The following ATP2B4 variants were observed in gnomAD, a reference collection of about 807,000 sequenced individuals.
ATP2B4 encodes the protein plasma membrane calcium-transporting ATPase 4.
ATP2B4 carries 39 observed loss-of-function variants against 110.3 expected under a neutral mutation model. The ratio of observed to expected loss-of-function variants is 0.35; its 90% CI spans 0.27 to 0.46. ATP2B4 has a LOEUF of 0.46. Ranked by LOEUF, ATP2B4 falls within the 20% of genes least tolerant of loss-of-function variation. ATP2B4 has a pLI of 1.00. For synonymous variants in ATP2B4, 538 were observed against 571.7 expected, an observed-to-expected ratio of 0.94 and a Z score of 0.84; for missense variants, 1,135 against 1,530.9, an observed-to-expected ratio of 0.74 and a Z score of 4.32.
rs77060911 is a variant in ATP2B4 at position 203,642,378 on chromosome 1, C to G, written c.-465+15159C>G. 7.1e-3 allele frequency among the ~76,000 whole-genome samples: 1,083 copies of G among 152,298 alleles called. 17 individuals carry two copies. The highest frequency in any genetic ancestry group is 0.022 in the African/African-American group (909 of 41,560). ...GGATTACAGGCGTGAAACACTGCAC[C>G]TGGCCTCACAGTCTGCTTTGATGGG... On this transcript the variant is annotated intron_variant, in intron 1 of 20. Coordinates refer to ENST00000357681, the MANE Select transcript of ATP2B4 (RefSeq NM_001684.5).
At chr1:203,697,429 A>G (rs1296715440) in intron 2 of ATP2B4, among the ~76,000 whole-genome samples, 2 of 152,224 alleles carry the variant, frequency 1.3e-5, no homozygotes, top group South Asian at 2.1e-4. Flanking sequence ...TAAAAGTTCT[A>G]TGTGAATCCC....
chr1:203,736,474 A>ACCC (rs1558059182), intron 20 of ATP2B4, among the ~76,000 whole-genome samples: 171 of 148,860 alleles, frequency 1.1e-3, no homozygotes, highest in African/African-American at 3.7e-3. Flanking sequence ...ATCCCCCCCA[A>ACCC]AAAAAAAAAA....
intron 1 of ATP2B4, among the ~76,000 whole-genome samples, chr1:203,646,130 A>G (rs114826170): frequency 0.013 from 2,045 of 152,232 alleles, 24 homozygotes; most frequent in Admixed American, 0.022. Flanking sequence ...AGCACTTACT[A>G]TATTTCAGGC....
In ATP2B4 at chr1:203,707,055, T is replaced by C; in HGVS notation, c.1146T>C (p.Phe382=). 3.1e-6 allele frequency: 5 copies of C among 1,614,124 alleles called. No individual in the cohort carries two copies. The highest frequency in any genetic ancestry group is 4.2e-6 in the Non-Finnish European group (5 of 1,179,996). The change falls in exon 9 of 21, where the codon TTT becomes TTC. Residue 382 remains phenylalanine (F), a synonymous_variant. Transcript: ENST00000357681. ...ALTVFILILY[F]VIDNFVINRR... is the part of the protein sequence containing the mutation. ...CGGTTTTCATCCTGATTCTATACTT[T>C]GTGATTGACAACTTTGTGATAAATC...
intron 15 of ATP2B4, among the ~76,000 whole-genome samples, chr1:203,719,009 G>C (rs1373241727): frequency 2.0e-5 from 3 of 151,944 alleles, no homozygotes; most frequent in Admixed American, 1.3e-4. Flanking sequence ...AGGAGCACTA[G>C]AAGCCAGGAT....
intron 1 of ATP2B4, among the ~76,000 whole-genome samples, chr1:203,635,051 C>T (rs1397797318): frequency 1.3e-5 from 2 of 151,996 alleles, no homozygotes; most frequent in African/African-American, 2.4e-5. Context: ...CTCAGCTCAC[C>T]GCAACCTCCG....
chr1:203,703,537 A>G (rs1665756168), intron 7 of ATP2B4, 115 bp from the exon 8 acceptor site: 2 of 1,236,992 alleles, frequency 1.6e-6, no homozygotes, highest in Non-Finnish European at 2.3e-6. Flanking sequence ...AACTGATGTC[A>G]GGGTCCAAGG....
chr1:203,726,832 A>T (rs1666534912), intron 19 of ATP2B4, among the ~76,000 whole-genome samples: 1 of 152,106 alleles, frequency 6.6e-6, no homozygotes, highest in African/African-American at 2.4e-5. Context: ...TGTCCCATCC[A>T]CTTCCTCACC....
intron 1 of ATP2B4, among the ~76,000 whole-genome samples, chr1:203,656,324 A>C (rs545365330): frequency 6.6e-6 from 1 of 152,316 alleles, no homozygotes; most frequent in African/African-American, 2.4e-5. Flanking sequence ...AGAACACAGA[A>C]ATGCTAAGAA....
intron 1 of ATP2B4, chr1:203,657,372 T>G: frequency 1.3e-6 from 1 of 745,810 alleles, no homozygotes; most frequent in Non-Finnish European, 2.5e-6. Context: ...TCCCTGGGCA[T>G]GTACTTTAGT....
At chr1:203,694,741 T>C (rs1382866962) in intron 2 of ATP2B4, among the ~76,000 whole-genome samples, 2 of 152,106 alleles carry the variant, frequency 1.3e-5, no homozygotes, top group Non-Finnish European at 2.9e-5. Context: ...TTAAAAAAGA[T>C]CATTCTGGCT....
chr1:203,683,662 GT>G (rs1229548676), intron 2 of ATP2B4, among the ~76,000 whole-genome samples: 4 of 111,154 alleles, frequency 3.6e-5, no homozygotes, highest in East Asian at 2.9e-4. Context: ...TTCTTCTTTT[GT>G]TTCTTTTTTT....
At chr1:203,634,174 T>C (rs1211444352) in intron 1 of ATP2B4, among the ~76,000 whole-genome samples, 2 of 152,202 alleles carry the variant, frequency 1.3e-5, no homozygotes, top group Non-Finnish European at 2.9e-5. Flanking sequence ...TATCAACATA[T>C]CCATCACCTC....
At position 203,708,064 on chromosome 1, in the gene ATP2B4, A is replaced by G. The variant is rs765129100; in HGVS notation, c.1517A>G (p.Asn506Ser). The change falls in exon 10 of 21, where the codon AAT becomes AGT. Residue 506 changes from asparagine to serine, a missense_variant. By Grantham distance (46) the Asn-to-Ser change is conservative. Coordinates refer to ENST00000357681, the MANE Select transcript of ATP2B4 (RefSeq NM_001684.5). Reference sequence around the variant, plus strand: ...CCCAAAGTCCTGGACCTCATTGTCAATGGCATTTCTATCAACAGTGCTTAT... The same window carrying G: ...CCCAAAGTCCTGGACCTCATTGTCAGTGGCATTTCTATCAACAGTGCTTAT... ...FLPKVLDLIVNGISINSAYTS... is the reference protein window; with the variant it reads ...FLPKVLDLIVSGISINSAYTS... The G allele has an allele frequency of 5.0e-6, 8 of 1,614,072 alleles. No homozygotes were observed. The highest frequency in any genetic ancestry group is 2.2e-5 in the South Asian group (2 of 91,078).
rs77726873 is a variant in ATP2B4 at position 203,653,294 on chromosome 1, T to G, written c.-465+26075T>G. ...AAGCTGCAGAAGAAAAGTTAGAAGC[T>G]AGCAGAGCTTGGTTCTTGAGGTTTA... On this transcript the variant is annotated intron_variant, in intron 1 of 20. Transcript: ENST00000357681. 7.9e-5 allele frequency among the ~76,000 whole-genome samples: 12 copies of G among 152,316 alleles called. 1 individual carries two copies. In the East Asian group the frequency reaches 2.3e-3, roughly 29 times the overall value.
intron 2 of ATP2B4, among the ~76,000 whole-genome samples, chr1:203,688,107 T>G (rs1435161291): frequency 1.3e-5 from 2 of 151,568 alleles, no homozygotes; most frequent in Non-Finnish European, 2.9e-5. Flanking sequence ...CACTGCAACC[T>G]CCGCCTCCCA....
In ATP2B4 at chr1:203,723,882, T is replaced by C; in HGVS notation, c.3026T>C (p.Ile1009Thr). The change falls in exon 19 of 21, where the codon ATT becomes ACT. Residue 1009 changes from isoleucine to threonine, a missense_variant and splice_region_variant. Ile to Thr is a moderately conservative substitution (Grantham distance 89). Coordinates refer to ENST00000357681, the MANE Select transcript of ATP2B4 (RefSeq NM_001684.5). ...GGGCTGCCCCTTTCTCTGTTCTAGA[T>C]TTTCATCGTGGAATTTGGGGGTAAA... is the stretch of plus-strand genomic sequence containing the variant. ...SVVLGTFICQIFIVEFGGKPF... is the reference protein window; with the variant it reads ...SVVLGTFICQTFIVEFGGKPF... The C allele has an allele frequency of 1.2e-6, 2 of 1,603,160 alleles. No homozygotes were observed. The highest frequency in any genetic ancestry group is 8.5e-7 in the Non-Finnish European group (1 of 1,175,310).
intron 1 of ATP2B4, among the ~76,000 whole-genome samples, chr1:203,661,123 A>G (rs1490843170): frequency 2.0e-5 from 3 of 151,836 alleles, no homozygotes; most frequent in Non-Finnish European, 2.9e-5. Context: ...AAAAAAAAAA[A>G]CTTTCCCAAG....
At chr1:203,710,052 C>T (rs1254186650) in intron 11 of ATP2B4, among the ~76,000 whole-genome samples, 5 of 152,226 alleles carry the variant, frequency 3.3e-5, no homozygotes, top group Non-Finnish European at 7.4e-5. Context: ...TTTCTGATTA[C>T]AGGGAATTTA....
Sources: allele counts gnomAD v4.1 joint callset (sites outside exome capture counted in the v4.1 genomes callset), GRCh38; gene constraint gnomAD v4.1.1; transcripts MANE v1.5; gene names NCBI Gene and HGNC (gene_info 2026-07-23, HGNC 2026-07-21).